The following RBPJ variants were observed in gnomAD, a reference collection of about 807,000 sequenced individuals.
The protein encoded by RBPJ is recombination signal binding protein for immunoglobulin kappa J region, also known as recombining binding protein suppressor of hairless.
A neutral mutation model predicts 67.8 loss-of-function variants in RBPJ; 9 were observed. That is an observed-to-expected ratio of 0.13 (90% CI 0.08 to 0.23). The LOEUF is 0.23. Ranked by LOEUF, RBPJ falls within the 10% of genes least tolerant of loss-of-function variation. The probability of loss-of-function intolerance (pLI) is 1.00; values close to 1 mark genes in which losing one functional copy is unlikely to be tolerated. For missense variants in RBPJ, 305 were observed against 595.6 expected, an observed-to-expected ratio of 0.51 and a Z score of 5.08; for synonymous variants, 198 against 203.3, an observed-to-expected ratio of 0.97 and a Z score of 0.22.
chr4:26,368,968 T>G (rs1237426233), intron 1 of RBPJ, among the ~76,000 whole-genome samples: 1 of 152,202 alleles, frequency 6.6e-6, no homozygotes, highest in Non-Finnish European at 1.5e-5. Context: ...TTTTCAATCC[T>G]TGGTCTACTT....
chr4:26,219,158 A>T (rs1718819561), intron 1 of RBPJ, among the ~76,000 whole-genome samples: 1 of 152,224 alleles, frequency 6.6e-6, no homozygotes, highest in African/African-American at 2.4e-5. Flanking sequence ...TATGGTGGAA[A>T]TTCAGGTTTG....
At chr4:26,359,597 G>GCGGTGCGCTCCTCGGGGT (rs1237271679) in intron 1 of RBPJ, 14 of 152,162 alleles carry the variant, frequency 9.2e-5, no homozygotes, top group African/African-American at 3.1e-4. Context: ...CCCTGCTTGC[G>GCGGTGCGCTCCTCGGGGT]CGGTGCGCTC....
chr4:26,244,186 TAC>T (rs1560225863), intron 1 of RBPJ, among the ~76,000 whole-genome samples: 1 of 124,564 alleles, frequency 8.0e-6, no homozygotes, highest in Admixed American at 7.7e-5. Context: ...CATATATGTA[TAC>T]ATATATGTGT....
chr4:26,262,911 T>C (rs1157371269), intron 1 of RBPJ, among the ~76,000 whole-genome samples: 1 of 152,188 alleles, frequency 6.6e-6, no homozygotes, highest in Non-Finnish European at 1.5e-5. Context: ...CAGAGCAGAA[T>C]CCTGAATGTT....
At chr4:26,255,391 G>A (rs548222691) in intron 1 of RBPJ, among the ~76,000 whole-genome samples, 32 of 87,046 alleles carry the variant, frequency 3.7e-4, no homozygotes, top group East Asian at 1.3e-3. Flanking sequence ...GCGACAGAGC[G>A]AGACTCCGTC....
intron 1 of RBPJ, among the ~76,000 whole-genome samples, chr4:26,279,883 G>A (rs10019683): frequency 0.064 from 9,672 of 150,992 alleles, 801 homozygotes; most frequent in African/African-American, 0.19. Context: ...GACTTCTTGG[G>A]CTCAACCAAT....
intron 1 of RBPJ, among the ~76,000 whole-genome samples, chr4:26,282,879 T>A (rs1357491597): frequency 6.6e-6 from 1 of 150,836 alleles, no homozygotes; most frequent in Non-Finnish European, 1.5e-5. Context: ...AAATACAGAG[T>A]TGAGTCCAGG....
chr4:26,334,527 CA>C (rs1724606301), intron 1 of RBPJ, among the ~76,000 whole-genome samples: 1 of 152,162 alleles, frequency 6.6e-6, no homozygotes, highest in South Asian at 2.1e-4. Context: ...TTCTGAGGAT[CA>C]AACGTGTGTA....
intron 1 of RBPJ, among the ~76,000 whole-genome samples, chr4:26,371,042 T>G (rs2109548146): frequency 6.7e-6 from 1 of 148,770 alleles, no homozygotes. Flanking sequence ...ATTGCGCCAC[T>G]GCACTCCAGC....
Position 26,232,059 on chromosome 4 carries a change from T to A in RBPJ, c.-167+68445T>A, listed in dbSNP as rs989247780. Among the ~76,000 whole-genome samples, 4 of 149,436 alleles carry A rather than the reference T, an allele frequency of 2.7e-5. No homozygotes were observed. The South Asian group carries it at 6.4e-4, about 24-fold the overall frequency. ...GGCATGCATCACCATGCTCGGCCAA[T>A]TTTTTTTTGTATTTTTAGTAGAGAC... On this transcript the variant is annotated intron_variant, in intron 1 of 4. Coordinates refer to the RBPJ transcript ENST00000512351.
chr4:26,358,562 G>T (rs773229939), intron 1 of RBPJ, among the ~76,000 whole-genome samples: 1 of 147,864 alleles, frequency 6.8e-6, no homozygotes, highest in Non-Finnish European at 1.5e-5. Flanking sequence ...ATCACTTGAG[G>T]CCAGGGGTTT....
intron 1 of RBPJ, among the ~76,000 whole-genome samples, chr4:26,278,920 G>A (rs1252136233): frequency 1.3e-5 from 2 of 152,196 alleles, no homozygotes; most frequent in East Asian, 1.9e-4. Context: ...AGGTTCTAAG[G>A]AGGCCACAGT....
intron 1 of RBPJ, 124 bp from the exon 2 acceptor site, chr4:26,386,229 T>C: frequency 1.5e-6 from 1 of 654,356 alleles, no homozygotes; most frequent in Non-Finnish European, 2.6e-6. Flanking sequence ...GATTTCTGTC[T>C]TCATGTTCTT....
intron 1 of RBPJ, among the ~76,000 whole-genome samples, chr4:26,226,041 C>T (rs1225265359): frequency 1.3e-5 from 2 of 150,784 alleles, no homozygotes; most frequent in Admixed American, 6.6e-5. Flanking sequence ...CTCAGCTACT[C>T]GGGAGGCTGA....
intron 1 of RBPJ, among the ~76,000 whole-genome samples, chr4:26,230,349 G>A (rs1719235105): frequency 6.6e-6 from 1 of 152,168 alleles, no homozygotes; most frequent in African/African-American, 2.4e-5. Flanking sequence ...AAACAAACCA[G>A]TGCTAATAAT....
At chr4:26,272,695 C>T in intron 1 of RBPJ, 1 of 454,354 alleles carries the variant, frequency 2.2e-6, no homozygotes, top group Non-Finnish European at 4.4e-6. Flanking sequence ...TTCTTGAACA[C>T]CTGCTTAAAA....
intron 1 of RBPJ, among the ~76,000 whole-genome samples, chr4:26,209,088 G>GAAAA (rs751158581): frequency 1.4e-3 from 113 of 81,020 alleles, no homozygotes; most frequent in Middle Eastern, 5.8e-3. Flanking sequence ...CAGCATTACA[G>GAAAA]AAGAAAAAAA....
intron 1 of RBPJ, among the ~76,000 whole-genome samples, chr4:26,166,220 T>G (rs1169109810): frequency 7.0e-6 from 1 of 142,566 alleles, no homozygotes; most frequent in African/African-American, 2.6e-5. Context: ...TATAGTCCTT[T>G]GGGTATATAC....
rs889829590 is a variant in RBPJ at position 26,203,987 on chromosome 4, G to A, written c.-167+40373G>A. ...AGTGACCAGGGTCTCACTCTCCCAC[G>A]GGGCTGGAGTGTAGTGGTGTGATCA... On this transcript the variant is annotated intron_variant, in intron 1 of 4. Transcript: ENST00000512351. Among the ~76,000 whole-genome samples, 7 of 152,172 alleles carry A rather than the reference G, an allele frequency of 4.6e-5. No homozygotes were observed. The South Asian group carries it at 6.2e-4, about 14-fold the overall frequency.
Sources: allele counts gnomAD v4.1 joint callset (sites outside exome capture counted in the v4.1 genomes callset), GRCh38; gene constraint gnomAD v4.1.1; transcripts MANE v1.5; gene names NCBI Gene and HGNC (gene_info 2026-07-23, HGNC 2026-07-21).